The following CPN1 variants were observed in gnomAD, a reference collection of about 807,000 sequenced individuals.
The protein encoded by CPN1 is carboxypeptidase N subunit 1, also known as carboxypeptidase N catalytic chain.
CPN1 carries 37 observed loss-of-function variants against 46.4 expected under a neutral mutation model. The observed-to-expected ratio is 0.80, with a 90% confidence interval of 0.61 to 1.05. CPN1 has a LOEUF of 1.05. Ranked by LOEUF, CPN1 falls within the 50% of genes least tolerant of loss-of-function variation. The pLI, the probability that CPN1 is intolerant of heterozygous loss-of-function variation, is 0.00. For missense variants in CPN1, 563 were observed against 602.6 expected (o/e 0.93, Z 0.69); for synonymous variants, 224 against 235.4 (o/e 0.95, Z 0.44).
intron 8 of CPN1, 56 bp from the exon 9 acceptor site, chr10:100,042,629 T>C (rs2041282412): frequency 1.2e-6 from 2 of 1,609,672 alleles, no homozygotes; most frequent in Non-Finnish European, 8.5e-7. Context: ...TTTGCCATAG[T>C]TCCAGTTTCT....
chr10:100,052,690 ACT>A (rs1037116892), intron 7 of CPN1, among the ~76,000 whole-genome samples: 6 of 151,680 alleles, frequency 4.0e-5, no homozygotes, highest in African/African-American at 7.3e-5. Flanking sequence ...ACAGGGCAAA[ACT>A]CTGTCTCTGT....
At chr10:100,058,957 A>G (rs1417391573) in intron 5 of CPN1, among the ~76,000 whole-genome samples, 1 of 152,218 alleles carries the variant, frequency 6.6e-6, no homozygotes, top group Non-Finnish European at 1.5e-5. Context: ...ATGTCAACAA[A>G]TGGTGCTGGA....
intron 1 of CPN1, among the ~76,000 whole-genome samples, chr10:100,078,923 G>A (rs4919421): frequency 0.11 from 16,886 of 152,156 alleles, 1,839 homozygotes; most frequent in African/African-American, 0.28. Context: ...TCATTCACTC[G>A]GCTGGAGCCG....
chr10:100,057,849 T>C (rs895664450), intron 5 of CPN1, among the ~76,000 whole-genome samples: 6 of 152,158 alleles, frequency 3.9e-5, no homozygotes, highest in East Asian at 1.9e-4. Flanking sequence ...AAAGAGATAA[T>C]GATTCTCTTA....
intron 7 of CPN1, among the ~76,000 whole-genome samples, chr10:100,050,491 T>TAC (rs2041343885): frequency 6.6e-6 from 1 of 152,188 alleles, no homozygotes; most frequent in South Asian, 2.1e-4. Context: ...CACGCAGATG[T>TAC]ACAGTGCAAA....
intron 2 of CPN1, among the ~76,000 whole-genome samples, chr10:100,071,599 C>T (rs756282289): frequency 1.1e-4 from 17 of 152,200 alleles, no homozygotes; most frequent in African/African-American, 2.4e-4. Context: ...TCAGTAGGCC[C>T]TCCATATCCA....
Position 100,069,761 on chromosome 10 carries a change from C to G in CPN1, c.529G>C (p.Gly177Arg), listed in dbSNP as rs200716095. ...NTYIYYNEKY[G>R]GPNHHLPLPD... ...AGGGGCAGGTGGTGGTTGGGGCCTCCGTACTTCTCGTTATAGTAGATATAG... is the reference window on the plus strand; with the variant it reads ...AGGGGCAGGTGGTGGTTGGGGCCTCGGTACTTCTCGTTATAGTAGATATAG... The change falls in exon 3 of 9, where the codon GGA becomes CGA. Residue 177 changes from glycine to arginine, a missense_variant. By Grantham distance (125) the Gly-to-Arg change is moderately radical. Coordinates refer to ENST00000370418, the MANE Select transcript of CPN1 (RefSeq NM_001308.3). 1.2e-6 allele frequency: 2 copies of G among 1,613,750 alleles called. No individual in the cohort carries two copies. The highest frequency in any genetic ancestry group is 2.2e-5 in the East Asian group (1 of 44,872).
At chr10:100,076,595 C>T (rs554025360) in intron 1 of CPN1, among the ~76,000 whole-genome samples, 58 of 152,338 alleles carry the variant, frequency 3.8e-4, no homozygotes, top group Non-Finnish European at 6.3e-4. Flanking sequence ...TAGGTTTTAG[C>T]GTAACAGCCG....
chr10:100,064,381 T>C (rs1348833340), intron 4 of CPN1, among the ~76,000 whole-genome samples: 4 of 148,900 alleles, frequency 2.7e-5, no homozygotes, highest in Admixed American at 1.3e-4. Context: ...AATATATTAG[T>C]ATATAATTTT....
intron 7 of CPN1, among the ~76,000 whole-genome samples, chr10:100,052,317 C>T (rs536351182): frequency 6.6e-6 from 1 of 152,178 alleles, no homozygotes; most frequent in South Asian, 2.1e-4. Flanking sequence ...GCAATCCCCC[C>T]ACCTCGGCCT....
Position 100,076,104 on chromosome 10 carries a change from TCC to T in CPN1, c.225_226del (p.Glu76ThrfsTer89). The stretch of plus-strand genomic sequence containing the variant: ...GTTCCCCACATACTTGACCTCTGGT[TCC>T]ACTGCAAGGAAGAGAAAAGATGGGG... On this transcript the variant is annotated frameshift_variant and splice_region_variant, in exon 2 of 9. Coordinates refer to ENST00000370418, the MANE Select transcript of CPN1 (RefSeq NM_001308.3). LOFTEE classifies it high-confidence loss of function. 6.2e-7 allele frequency: 1 copy of T among 1,614,222 alleles called. No individual in the cohort carries two copies. The highest frequency in any genetic ancestry group is 1.3e-5 in the African/African-American group (1 of 75,070).
rs574463099 is a variant in CPN1, at chr10:100,071,424, ACCCATCACTC to A, written c.421-1565_421-1556del. Among the ~76,000 whole-genome samples, 1,014 of 152,112 alleles carry A rather than the reference ACCCATCACTC, an allele frequency of 6.7e-3. 13 individuals are homozygous for A. Among genetic ancestry groups the A allele is most frequent in the African/African-American group, 0.023 (940 of 41,486 alleles). ...GTCCTTGGCATTCTTTGGCTCTTAG[ACCCATCACTC>A]TAATTTCTGCTTTCATCTTCATATG... is the stretch of plus-strand genomic sequence containing the variant. On this transcript the variant is annotated intron_variant, in intron 2 of 8. Coordinates refer to ENST00000370418, the MANE Select transcript of CPN1 (RefSeq NM_001308.3).
At chr10:100,049,206 G>A (rs372604747) in intron 7 of CPN1, among the ~76,000 whole-genome samples, 2 of 150,984 alleles carry the variant, frequency 1.3e-5, no homozygotes, top group Non-Finnish European at 2.9e-5. Context: ...TGATCTGCCC[G>A]CCTCAGCCTC....
chr10:100,054,314 C>T, intron 7 of CPN1, 33 bp downstream of exon 7: 3 of 1,538,858 alleles, frequency 1.9e-6, no homozygotes, highest in Non-Finnish European at 2.7e-6. Context: ...GGAGTTAACG[C>T]TTCCTTCTTA....
chr10:100,067,103 C>T (rs963715786), intron 3 of CPN1, among the ~76,000 whole-genome samples: 1 of 152,072 alleles, frequency 6.6e-6, no homozygotes, highest in African/African-American at 2.4e-5. Flanking sequence ...CTGACTAACA[C>T]GAAGTTCTTT....
intron 5 of CPN1, among the ~76,000 whole-genome samples, chr10:100,058,079 A>G (rs772184320): frequency 6.6e-6 from 1 of 150,992 alleles, no homozygotes; most frequent in Non-Finnish European, 1.5e-5. Flanking sequence ...CCTCCATAAC[A>G]TTTTTCCCAA....
chr10:100,056,959 A>T, intron 6 of CPN1, 54 bp downstream of exon 6: 1 of 1,613,080 alleles, frequency 6.2e-7, no homozygotes, highest in South Asian at 1.1e-5. Flanking sequence ...CTTGCCTGCC[A>T]TTGAGAAGCA....
At chr10:100,057,180 T>G (rs1175056052) in intron 5 of CPN1, 28 bp from the exon 6 acceptor site, 2 of 1,612,224 alleles carry the variant, frequency 1.2e-6, no homozygotes, top group Non-Finnish European at 1.7e-6. Context: ...GCAGCAGATT[T>G]CCATAACCAG....
At chr10:100,069,176 A>G (rs915267860) in intron 3 of CPN1, among the ~76,000 whole-genome samples, 5 of 152,196 alleles carry the variant, frequency 3.3e-5, no homozygotes, top group African/African-American at 1.2e-4. Context: ...ATCCTTCACC[A>G]CAATCACCAC....
Sources: allele counts gnomAD v4.1 joint callset (sites outside exome capture counted in the v4.1 genomes callset), GRCh38; gene constraint gnomAD v4.1.1; transcripts MANE v1.5; gene names NCBI Gene and HGNC (gene_info 2026-07-23, HGNC 2026-07-21).